The following ZMYM6 variants were observed in gnomAD, a reference collection of about 807,000 sequenced individuals.
The protein encoded by ZMYM6 is zinc finger MYM-type containing 6.
Under a neutral mutation model 134.0 loss-of-function variants are expected in ZMYM6, and 90 were observed. The ratio of observed to expected loss-of-function variants is 0.67; its 90% CI spans 0.57 to 0.80. The LOEUF (loss-of-function observed/expected upper bound fraction) is 0.80. Among genes scored for constraint, ZMYM6 ranks in the 30% least tolerant of loss-of-function variants. The pLI, the probability that ZMYM6 is intolerant of heterozygous loss-of-function variation, is 0.00. For synonymous variants in ZMYM6, 481 were observed against 524.1 expected (o/e 0.92, Z 1.12); for missense variants, 1,362 against 1,533.9 (o/e 0.89, Z 1.87).
chr1:35,013,628 T>C, intron 6 of ZMYM6: 2 of 985,380 alleles, frequency 2.0e-6, no homozygotes, highest in Non-Finnish European at 2.4e-6. Flanking sequence ...AAGCAACAAA[T>C]CAAACTTGCT....
Position 34,988,566 on chromosome 1 carries a change from G to C in ZMYM6, c.2516C>G (p.Thr839Ser), listed in dbSNP as rs1281444941. 6.4e-7 allele frequency: 1 copy of C among 1,551,198 alleles called. No individual in the cohort carries two copies. Among genetic ancestry groups the C allele is most frequent in the East Asian group, 2.4e-5 (1 of 40,904 alleles). ...GGAGAATGGCTTCTTGCTTGCAGCA[G>C]TTTGGAAAGCAATTAAATAAGAAGC... ...VKASYLIAFQ[T>S]AASKKPFSIA... The change falls in exon 16 of 16, where the codon ACT (threonine) becomes AGT (serine). Residue 839 changes from threonine (T) to serine (S), a missense_variant. Around this residue, in one of 3 missense-constraint regions of ZMYM6, gnomAD observed 824 missense variants for 940.9 expected, o/e 0.88. Transcript: ENST00000357182.
At position 35,019,551 on chromosome 1, in the gene ZMYM6, C is replaced by T. The variant is rs138632204; in HGVS notation, c.230G>A (p.Ser77Asn). Residue 77 changes from serine to asparagine, a missense_variant, in exon 4 of 16, where the codon AGT (serine) becomes AAT (asparagine). Around this residue, in one of 3 missense-constraint regions of ZMYM6, gnomAD observed 503 missense variants for 520.8 expected, o/e 0.97. Coordinates refer to ENST00000357182, the MANE Select transcript of ZMYM6 (RefSeq NM_007167.4). ...AGCTGGAACTGAAGGAAGCAACACACTTGGGCCAGATGATGCAAAAGAAAG... is the reference window on the plus strand; with the variant it reads ...AGCTGGAACTGAAGGAAGCAACACATTTGGGCCAGATGATGCAAAAGAAAG... ...FQLSFASSGP[S>N]VLLPSVPAVA... 1.2e-5 allele frequency: 19 copies of T among 1,612,608 alleles called. No individual in the cohort carries two copies. The African/African-American group carries it at 2.4e-4, about 20-fold the overall frequency.
intron 6 of ZMYM6, among the ~76,000 whole-genome samples, chr1:35,014,135 G>A (rs1368318272): frequency 6.6e-6 from 1 of 152,236 alleles, no homozygotes; most frequent in Non-Finnish European, 1.5e-5. Context: ...ATGAGACAGT[G>A]TTGACCAAAT....
chr1:34,996,622 TTG>T (rs1640790417), intron 14 of ZMYM6, among the ~76,000 whole-genome samples: 1 of 152,222 alleles, frequency 6.6e-6, no homozygotes, highest in African/African-American at 2.4e-5. Flanking sequence ...TTACACAATT[TTG>T]TGTCTTTTTT....
chr1:35,016,434 A>C (rs536222409), intron 4 of ZMYM6, among the ~76,000 whole-genome samples: 1 of 152,336 alleles, frequency 6.6e-6, no homozygotes, highest in African/African-American at 2.4e-5. Context: ...TGAGACTCCT[A>C]GAGCCAATTT....
chr1:35,030,474 CT>C (rs1355987948), intron 2 of ZMYM6, 72 bp downstream of exon 2: 2 of 1,460,644 alleles, frequency 1.4e-6, no homozygotes, highest in African/African-American at 2.9e-5. Context: ...AGCCGTTTAA[CT>C]AAAATTTTTC....
intron 2 of ZMYM6, among the ~76,000 whole-genome samples, chr1:35,022,015 A>G (rs1458031327): frequency 6.6e-6 from 1 of 152,230 alleles, no homozygotes. Context: ...ACACATAGCA[A>G]AATAAATGAG....
intron 15 of ZMYM6, chr1:34,989,377 TAAA>T (rs572006218): frequency 2.7e-4 from 67 of 249,792 alleles, no homozygotes; most frequent in Non-Finnish European, 3.6e-4. Context: ...ATCTCTACAT[TAAA>T]AAAAAAAAAA....
chr1:34,988,233 G>C lies in ZMYM6; in HGVS notation c.2849C>G (p.Thr950Ser). The change falls in exon 16 of 16, where the codon ACT becomes AGT. Residue 950 changes from threonine to serine, a missense_variant. Transcript: ENST00000357182. ...EELLFCIEMPTQITGFEIFEL... is the reference protein window; with the variant it reads ...EELLFCIEMPSQITGFEIFEL... ...AAATATTTCAAAGCCAGTTATTTGA[G>C]TAGGCATTTCAATGCAAAATAATAA... The C allele has an allele frequency of 6.5e-7, 1 of 1,549,626 alleles. No homozygotes were observed. The highest frequency in any genetic ancestry group is 8.7e-7 in the Non-Finnish European group (1 of 1,146,168).
At chr1:35,001,154 T>C (rs1229246082) in intron 14 of ZMYM6, among the ~76,000 whole-genome samples, 4 of 152,302 alleles carry the variant, frequency 2.6e-5, no homozygotes, top group African/African-American at 9.6e-5. Flanking sequence ...TTTTCCTCTT[T>C]GTAATTTTCT....
At chr1:34,995,084 CGTATATATGTATGTATATACGTAA>C (rs776836371) in intron 14 of ZMYM6, among the ~76,000 whole-genome samples, 14 of 125,118 alleles carry the variant, frequency 1.1e-4, no homozygotes, top group Admixed American at 2.3e-4. Context: ...TACTTACATA[CGTATATATGTATGTATATACGTAA>C]GTATATATGT....
At chr1:35,014,075 G>A (rs116602650) in intron 6 of ZMYM6, among the ~76,000 whole-genome samples, 1,698 of 152,172 alleles carry the variant, frequency 0.011, 36 homozygotes, top group African/African-American at 0.039. Flanking sequence ...TTTAGTAACC[G>A]GCTTAATCCA....
intron 15 of ZMYM6, among the ~76,000 whole-genome samples, chr1:34,990,845 G>A (rs1051129255): frequency 2.2e-5 from 3 of 137,864 alleles, no homozygotes; most frequent in Non-Finnish European, 1.5e-5. Context: ...AAGTAATTTC[G>A]ATTGTTAGAA....
chr1:35,010,745 G>C lies in ZMYM6; in HGVS notation c.1341+13C>G, dbSNP rs866277758. On this transcript the variant is annotated intron_variant, in intron 9 of 15. Transcript: ENST00000357182. ...TGAGTTTATATACAATCCCTTTCAT[G>C]ATCTCTCTTTACCTTGTAAAAAAGA... 9 of 1,540,616 alleles carry C rather than the reference G, an allele frequency of 5.8e-6. No homozygotes were observed. The highest frequency in any genetic ancestry group is 7.8e-6 in the Non-Finnish European group (9 of 1,149,350).
At chr1:35,030,333 G>A (rs970566300) in intron 2 of ZMYM6, 44 of 531,990 alleles carry the variant, frequency 8.3e-5, no homozygotes, top group Non-Finnish European at 9.9e-6. Context: ...ACAGGAGGCT[G>A]AGGTGGGAAG....
At chr1:35,005,832 T>C (rs1640956688) in intron 12 of ZMYM6, among the ~76,000 whole-genome samples, 1 of 152,178 alleles carries the variant, frequency 6.6e-6, no homozygotes, top group Non-Finnish European at 1.5e-5. Context: ...AATATTCTAC[T>C]ACCAGCCTGA....
intron 14 of ZMYM6, among the ~76,000 whole-genome samples, chr1:34,998,715 G>C (rs1020065706): frequency 6.6e-6 from 1 of 152,160 alleles, no homozygotes; most frequent in African/African-American, 2.4e-5. Context: ...TCATATAAGT[G>C]TAAATGTCAA....
intron 2 of ZMYM6, among the ~76,000 whole-genome samples, chr1:35,021,823 A>G (rs1366112111): frequency 6.6e-6 from 1 of 152,212 alleles, no homozygotes. Flanking sequence ...ACGTTTTAAA[A>G]CAAAATGTAA....
chr1:35,028,634 G>A (rs1039700408), intron 2 of ZMYM6, among the ~76,000 whole-genome samples: 11 of 151,364 alleles, frequency 7.3e-5, no homozygotes, highest in African/African-American at 1.5e-4. Flanking sequence ...CAAGTAGCTG[G>A]GACTACAGGC....
Sources: allele counts gnomAD v4.1 joint callset (sites outside exome capture counted in the v4.1 genomes callset), GRCh38; gene constraint gnomAD v4.1.1; regional missense constraint gnomAD v4.1.1; transcripts MANE v1.5; gene names NCBI Gene and HGNC (gene_info 2026-07-23, HGNC 2026-07-21).